The following SND1 variants were observed in gnomAD, a reference collection of about 807,000 sequenced individuals.
SND1 encodes staphylococcal nuclease domain-containing protein 1.
SND1 carries 38 observed loss-of-function variants against 121.7 expected under a neutral mutation model. The ratio of observed to expected loss-of-function variants is 0.31; its 90% confidence interval spans 0.24 to 0.41. The LOEUF is 0.41. SND1 is among the 10% of genes least tolerant of loss of function. The pLI, the probability that SND1 is intolerant of heterozygous loss-of-function variation, is 1.00. For synonymous variants in SND1, 401 were observed against 447.4 expected (o/e 0.90, Z 1.31); for missense variants, 868 against 1,184.6 (o/e 0.73, Z 3.92).
chr7:127,777,256 A>G (rs1339388086), intron 10 of SND1, among the ~76,000 whole-genome samples: 1 of 152,256 alleles, frequency 6.6e-6, no homozygotes. Flanking sequence ...AAGCCTTCTT[A>G]TGGCAGTAGG....
At chr7:127,943,648 G>A (rs1801265513) in intron 15 of SND1, among the ~76,000 whole-genome samples, 1 of 152,010 alleles carries the variant, frequency 6.6e-6, no homozygotes, top group Admixed American at 6.6e-5. Context: ...AGATGAGTGG[G>A]ACTCTAGAGA....
intron 10 of SND1, among the ~76,000 whole-genome samples, chr7:127,726,237 G>T (rs1353606664): frequency 2.0e-5 from 3 of 152,172 alleles, no homozygotes; most frequent in Non-Finnish European, 4.4e-5. Context: ...AGCTTGGTTT[G>T]TTCCTAGATA....
At chr7:127,661,026 C>T (rs1795300139) in intron 1 of SND1, among the ~76,000 whole-genome samples, 1 of 152,128 alleles carries the variant, frequency 6.6e-6, no homozygotes, top group South Asian at 2.1e-4. Context: ...TCTTGTTTAA[C>T]TCCTGTACTG....
intron 15 of SND1, among the ~76,000 whole-genome samples, chr7:127,951,032 T>A (rs1801451116): frequency 2.0e-5 from 3 of 152,162 alleles, no homozygotes; most frequent in Admixed American, 2.0e-4. Context: ...AATTTAAATA[T>A]AATTACCATA....
intron 15 of SND1, among the ~76,000 whole-genome samples, chr7:127,952,010 C>T (rs1274680962): frequency 1.3e-5 from 2 of 152,128 alleles, no homozygotes; most frequent in African/African-American, 4.8e-5. Context: ...AAGCCCTTCC[C>T]CCTCATCATG....
At chr7:127,904,261 T>C (rs1378375172) in intron 13 of SND1, 2 of 152,566 alleles carry the variant, frequency 1.3e-5, no homozygotes, top group Admixed American at 1.3e-4. Context: ...GTTACATGAC[T>C]TTTCTCTACA....
At chr7:127,898,166 CAGCACAAT>C (rs1248695987) in intron 13 of SND1, among the ~76,000 whole-genome samples, 1 of 152,078 alleles carries the variant, frequency 6.6e-6, no homozygotes, top group Non-Finnish European at 1.5e-5. Context: ...TTGTCATACC[CAGCACAAT>C]AGCATGTATC....
intron 1 of SND1, among the ~76,000 whole-genome samples, chr7:127,654,736 C>G (rs1480071888): frequency 3.9e-5 from 6 of 152,162 alleles, no homozygotes; most frequent in Non-Finnish European, 7.3e-5. Context: ...GTATAGATTG[C>G]ACTGCCTTCT....
At chr7:127,759,390 A>C (rs1323092306) in intron 10 of SND1, among the ~76,000 whole-genome samples, 1 of 152,092 alleles carries the variant, frequency 6.6e-6, no homozygotes, top group Admixed American at 6.5e-5. Context: ...TTCATACTTA[A>C]ATTGTCCCTG....
intron 7 of SND1, 102 bp from the exon 8 acceptor site, chr7:127,704,737 A>G: frequency 1.1e-6 from 1 of 932,638 alleles, no homozygotes; most frequent in Non-Finnish European, 1.7e-6. Context: ...CAAACTGCAG[A>G]CTAGTTTGTG....
At chr7:127,796,890 C>CTTTTTTTT (rs36078891) in intron 10 of SND1, among the ~76,000 whole-genome samples, 53 of 102,084 alleles carry the variant, frequency 5.2e-4, no homozygotes, top group East Asian at 1.6e-3. Context: ...TTTCCTGAGT[C>CTTTTTTTT]TTTTTTTTTT....
intron 10 of SND1, among the ~76,000 whole-genome samples, chr7:127,742,541 A>C (rs917541967): frequency 6.6e-6 from 1 of 150,826 alleles, no homozygotes; most frequent in Admixed American, 6.6e-5. Flanking sequence ...AAAACTTCCT[A>C]TTAATGCCTG....
In SND1 at chr7:128,085,912, C is replaced by T. The variant is rs771925272; in HGVS notation, c.2304+132C>T. On this transcript the variant is annotated intron_variant, in intron 20 of 23. Coordinates refer to ENST00000354725, the MANE Select transcript of SND1 (RefSeq NM_014390.4). The surrounding 1 kb of genome is among the most constrained non-coding windows in gnomAD (Gnocchi z 4.4). ...TGAGCATTGGGGCATCTCTGCTGTG[C>T]GTGTAACAGGCCAGGCCCCCTCAGT... 2.8e-5 allele frequency: 22 copies of T among 789,476 alleles called. No homozygotes were observed. The highest frequency in any genetic ancestry group is 2.7e-4 in the Middle Eastern group (1 of 3,660). The allele number at this position is 789,476 out of a possible 1,614,324, so 48.9% of individuals were successfully genotyped here.
chr7:127,807,903 A>C (rs965176361), intron 11 of SND1, among the ~76,000 whole-genome samples: 1 of 152,124 alleles, frequency 6.6e-6, no homozygotes, highest in Non-Finnish European at 1.5e-5. Flanking sequence ...TTAAATGTCC[A>C]GGGCTATGGA....
At chr7:128,030,671 T>C in intron 16 of SND1, 1 of 1,523,704 alleles carries the variant, frequency 6.6e-7, no homozygotes, top group Non-Finnish European at 8.8e-7. Context: ...CACCATCGCC[T>C]GGGATTTTGG....
rs1037457106 is a variant in SND1 at position 127,703,117 on chromosome 7, G to T, written c.682-48G>T. On this transcript the variant is annotated intron_variant, in intron 6 of 23. Coordinates refer to ENST00000354725, the MANE Select transcript of SND1 (RefSeq NM_014390.4). The stretch of plus-strand genomic sequence containing the variant: ...GCTTAGTGTGGGGCGAGAGTGCCTA[G>T]CACTCACATTTAGGCTGCATTACTC... 2.5e-6 allele frequency: 4 copies of T among 1,609,104 alleles called. No homozygotes were observed. The African/African-American group carries it at 5.3e-5, about 22-fold the overall frequency.
At chr7:127,851,421 C>G (rs1289707970) in intron 12 of SND1, among the ~76,000 whole-genome samples, 1 of 152,186 alleles carries the variant, frequency 6.6e-6, no homozygotes, top group Non-Finnish European at 1.5e-5. Flanking sequence ...TATTTTAAAA[C>G]TTCCTTTGCT....
chr7:127,792,995 C>T (rs991967044), intron 10 of SND1, among the ~76,000 whole-genome samples: 2 of 152,202 alleles, frequency 1.3e-5, no homozygotes, highest in African/African-American at 4.8e-5. Flanking sequence ...AGGTTCCCTG[C>T]CCCAGCATCA....
chr7:127,815,349 G>T (rs73232923), intron 11 of SND1, among the ~76,000 whole-genome samples: 3,405 of 152,246 alleles, frequency 0.022, 54 homozygotes, highest in Non-Finnish European at 0.034. Context: ...CTATAGCCAG[G>T]CGTGGTGGAC....
Sources: allele counts gnomAD v4.1 joint callset (sites outside exome capture counted in the v4.1 genomes callset), GRCh38; gene constraint gnomAD v4.1.1; non-coding constraint Gnocchi (gnomAD v3.1); transcripts MANE v1.5; gene names NCBI Gene and HGNC (gene_info 2026-07-23, HGNC 2026-07-21).